Variants in RYR3 observed in about 807,000 individuals in gnomAD.
RYR3 encodes the protein brain ryanodine receptor-calcium release channel.
Under a neutral mutation model 584.3 loss-of-function variants are expected in RYR3, and 207 were observed. The ratio of observed to expected loss-of-function variants is 0.35; its 90% CI spans 0.32 to 0.40. The LOEUF (loss-of-function observed/expected upper bound fraction) is 0.40, where lower values mean the gene tolerates loss of function less well. RYR3 is among the 10% of genes least tolerant of loss of function. The probability of loss-of-function intolerance (pLI) is 1.00; values close to 1 mark genes in which losing one functional copy is unlikely to be tolerated. For synonymous variants in RYR3, 2,416 were observed against 2,248.5 expected (o/e 1.07, Z -2.11); for missense variants, 5,616 against 6,089.2 (o/e 0.92, Z 2.59).
At chr15:33,862,391 G>C (rs770221656) in intron 102 of RYR3, among the ~76,000 whole-genome samples, 23 of 150,312 alleles carry the variant, frequency 1.5e-4, no homozygotes, top group Non-Finnish European at 3.3e-4. Flanking sequence ...TTTTTTGGTA[G>C]AGAAGGGGCT....
Position 33,603,348 on chromosome 15 carries a change from A to C in RYR3, c.2148A>C (p.Gly716=). ...ACCTGTACTCCTATGGCTTTGATGG[A>C]CTTCACCTTTGGTCAGGTGAGTACC... The part of the protein sequence containing the change: ...GDDLYSYGFD[G]LHLWSGRIPR... The change falls in exon 18 of 104, where the codon GGA becomes GGC. Residue 716 remains glycine (G), a synonymous_variant. Transcript: ENST00000634891. 5.0e-6 allele frequency: 8 copies of C among 1,597,456 alleles called. No homozygotes were observed. The highest frequency in any genetic ancestry group is 6.8e-6 in the Non-Finnish European group (8 of 1,170,492).
intron 60 of RYR3, among the ~76,000 whole-genome samples, chr15:33,758,965 C>T (rs2072152787): frequency 6.6e-6 from 1 of 152,240 alleles, no homozygotes; most frequent in South Asian, 2.1e-4. Context: ...GCAATCTTTG[C>T]TGTTCTGCAG....
At chr15:33,659,296 A>G (rs1596016783) in intron 32 of RYR3, among the ~76,000 whole-genome samples, 1 of 152,304 alleles carries the variant, frequency 6.6e-6, no homozygotes, top group East Asian at 1.9e-4. Context: ...TATCCCAGTT[A>G]TCATCTCCTA....
rs752717428 is a variant in RYR3, at chr15:33,503,726, TGGC to T, written c.272_274del (p.Gly91del). On this transcript the variant is annotated inframe_deletion, in exon 3 of 104. Transcript: ENST00000634891. ...AAATGCTTGCCAACACAGGTGAAAA[TGGC>T]GGCGAAGGGGTGAGTACCCGAATTG... 74 of 1,609,946 alleles carry T rather than the reference TGGC, an allele frequency of 4.6e-5. No individual in the cohort carries two copies. The highest frequency in any genetic ancestry group is 1.6e-4 in the Middle Eastern group (1 of 6,080).
chr15:33,550,362 A>G, intron 10 of RYR3, 46 bp downstream of exon 10: 1 of 1,559,596 alleles, frequency 6.4e-7, no homozygotes, highest in South Asian at 1.2e-5. Flanking sequence ...AAAAGTGAAA[A>G]CTCAGAAACC....
At position 33,813,467 on chromosome 15, in the gene RYR3, G is replaced by A. The variant is rs200047548; in HGVS notation, c.10390G>A (p.Val3464Met). The change falls in exon 74 of 104, where the codon GTG (valine) becomes ATG (methionine). Residue 3464 changes from valine (V) to methionine (M), a missense_variant and splice_region_variant. Physicochemically the swap from Val to Met is conservative, Grantham distance 21. This residue lies in a region of RYR3 where 954 missense variants were observed against 1,132.2 expected (regional missense o/e 0.84). Transcript: ENST00000634891. ...ISAAVFHLEQVEQPLRSKKAV... is the reference protein window; with the variant it reads ...ISAAVFHLEQMEQPLRSKKAV... Reference sequence around the variant, plus strand: ...ACCAACCGATGTGATCTCTTCTCAGGTGGAACAGCCTTTGAGGTCCAAGAA... The same window carrying A: ...ACCAACCGATGTGATCTCTTCTCAGATGGAACAGCCTTTGAGGTCCAAGAA... 1.7e-5 allele frequency: 27 copies of A among 1,613,306 alleles called. 1 individual carries two copies. The East Asian group carries it at 5.8e-4, about 35-fold the overall frequency.
chr15:33,594,532 G>C (rs761556661), intron 16 of RYR3, among the ~76,000 whole-genome samples: 6 of 152,162 alleles, frequency 3.9e-5, no homozygotes, highest in African/African-American at 1.4e-4. Context: ...GATTACTTCA[G>C]TTTTTTGTTG....
At position 33,859,751 on chromosome 15, in the gene RYR3, T is replaced by C. The variant is rs756460027; in HGVS notation, c.14299+20T>C. 36 of 1,595,640 alleles carry C rather than the reference T, an allele frequency of 2.3e-5. No homozygotes were observed. The highest frequency in any genetic ancestry group is 2.3e-5 in the Non-Finnish European group (27 of 1,169,608). Reference sequence around the variant, plus strand: ...TTCAAGGTATGATTGCCAATTGTGTTGAGTATGAACAGGGTTTAATCTAGT... The same window carrying C: ...TTCAAGGTATGATTGCCAATTGTGTCGAGTATGAACAGGGTTTAATCTAGT... On this transcript the variant is annotated intron_variant, in intron 100 of 103. Transcript: ENST00000634891.
intron 1 of RYR3, among the ~76,000 whole-genome samples, chr15:33,322,248 A>G (rs568511690): frequency 1.3e-5 from 2 of 152,342 alleles, no homozygotes; most frequent in South Asian, 2.1e-4. Context: ...GGGCTGCCCA[A>G]GCATGACACT....
At chr15:33,655,701 G>A (rs912447419) in intron 32 of RYR3, among the ~76,000 whole-genome samples, 2 of 152,184 alleles carry the variant, frequency 1.3e-5, no homozygotes, top group East Asian at 3.8e-4. Context: ...CCGCAAAGGA[G>A]ACAGTATCAG....
intron 1 of RYR3, among the ~76,000 whole-genome samples, chr15:33,458,960 G>A (rs1272334741): frequency 6.6e-6 from 1 of 152,176 alleles, no homozygotes; most frequent in Non-Finnish European, 1.5e-5. Flanking sequence ...CCCCTGTGAT[G>A]TCATGCCTGT....
chr15:33,725,960 A>C, intron 45 of RYR3, among the ~76,000 whole-genome samples: 4 of 81,606 alleles, frequency 4.9e-5, no homozygotes, highest in Non-Finnish European at 6.7e-5. Context: ...ACAGAGCAAG[A>C]CTCCATCCCC....
Position 33,390,096 on chromosome 15 carries a change from C to T in RYR3, c.51+79000C>T, listed in dbSNP as rs1057297747. ...TGTTTGTGGTAAATGAAATTTATGT[C>T]GCCGGATGAATTGGCTTCACTGCTG... On this transcript the variant is annotated intron_variant, in intron 1 of 103. Transcript: ENST00000634891. The surrounding 1 kb of genome is among the most constrained non-coding windows in gnomAD (Gnocchi z 4.2). 4.5e-4 allele frequency among the ~76,000 whole-genome samples: 68 copies of T among 152,228 alleles called. No individual in the cohort carries two copies. The highest frequency in any genetic ancestry group is 1.8e-3 in the Admixed American group (28 of 15,288).
intron 3 of RYR3, among the ~76,000 whole-genome samples, chr15:33,524,877 C>A (rs1168891039): frequency 6.6e-6 from 1 of 152,078 alleles, no homozygotes; most frequent in East Asian, 1.9e-4. Flanking sequence ...GATAGTAACC[C>A]TTTTGTCATA....
intron 43 of RYR3, among the ~76,000 whole-genome samples, chr15:33,708,681 G>A (rs11072630): frequency 0.28 from 42,918 of 151,970 alleles, 7,619 homozygotes; most frequent in East Asian, 0.65. Flanking sequence ...ATAAAGTTTC[G>A]GTGCCACAAA....
At chr15:33,706,161 G>A (rs1217934153) in intron 42 of RYR3, among the ~76,000 whole-genome samples, 1 of 151,942 alleles carries the variant, frequency 6.6e-6, no homozygotes, top group African/African-American at 2.4e-5. Context: ...AAAAACTTGA[G>A]CAGTTCTTTC....
intron 43 of RYR3, among the ~76,000 whole-genome samples, chr15:33,721,588 T>C (rs989298381): frequency 1.2e-4 from 19 of 152,174 alleles, no homozygotes; most frequent in African/African-American, 3.9e-4. Context: ...AACATCAAAG[T>C]CTTGCCTTTG....
chr15:33,503,862 T>G (rs1004213129), intron 3 of RYR3, 124 bp downstream of exon 3: 11 of 636,190 alleles, frequency 1.7e-5, no homozygotes, highest in Non-Finnish European at 2.9e-5. Flanking sequence ...CATATGGAGA[T>G]AGTAAATCTT....
intron 1 of RYR3, among the ~76,000 whole-genome samples, chr15:33,386,944 G>A (rs1269564658): frequency 2.6e-5 from 4 of 151,826 alleles, no homozygotes; most frequent in Non-Finnish European, 4.4e-5. Flanking sequence ...TGCAAGCTCC[G>A]CCTCCCAGGT....
Sources: gnomAD v4.1 joint callset for allele counts (sites outside exome capture counted in the v4.1 genomes callset) on GRCh38, gnomAD v4.1.1 for gene constraint, gnomAD v4.1.1 regional missense constraint, Gnocchi (gnomAD v3.1) non-coding constraint, MANE v1.5 for transcripts, NCBI Gene and HGNC (gene_info 2026-07-23, HGNC 2026-07-21) for gene names.